The following OSMR variants were observed in gnomAD, a reference collection of about 807,000 sequenced individuals.
OSMR encodes the protein oncostatin-M-specific receptor subunit beta.
OSMR carries 81 observed loss-of-function variants against 99.9 expected under a neutral mutation model. That is an observed-to-expected ratio of 0.81 (90% CI 0.68 to 0.97). OSMR has a LOEUF of 0.97. Ranked by LOEUF, OSMR falls within the 50% of genes least tolerant of loss-of-function variation. The probability of loss-of-function intolerance (pLI) is 0.00; values close to 1 mark genes in which losing one functional copy is unlikely to be tolerated. For missense variants in OSMR, 1,099 were observed against 1,153.4 expected (o/e 0.95, Z 0.68); for synonymous variants, 406 against 410.4 (o/e 0.99, Z 0.13).
chr5:38,876,034 T>C (rs1240572169), intron 2 of OSMR, 167 bp from the exon 3 acceptor site: 1 of 450,398 alleles, frequency 2.2e-6, no homozygotes, highest in Admixed American at 6.4e-5. Flanking sequence ...GTCTGCTAAG[T>C]GATTTCTAAA....
chr5:38,852,193 T>C (rs1184666098), intron 1 of OSMR, among the ~76,000 whole-genome samples: 2 of 152,244 alleles, frequency 1.3e-5, no homozygotes, highest in African/African-American at 4.8e-5. Flanking sequence ...TTTCTGTTCT[T>C]TTTGAAAGGC....
chr5:38,862,037 T>G (rs1579639672), intron 1 of OSMR, among the ~76,000 whole-genome samples: 5 of 77,362 alleles, frequency 6.5e-5, no homozygotes, highest in Admixed American at 1.3e-4. Flanking sequence ...CACTTCCCAG[T>G]AGGGGCGGCC....
intron 15 of OSMR, 95 bp from the exon 16 acceptor site, chr5:38,931,788 C>T: frequency 1.9e-6 from 3 of 1,560,660 alleles, no homozygotes; most frequent in Non-Finnish European, 2.6e-6. Context: ...AAATAATAAA[C>T]ATGTAAAATT....
chr5:38,885,057 C>A, intron 5 of OSMR: 1 of 308,336 alleles, frequency 3.2e-6, no homozygotes, highest in Non-Finnish European at 4.7e-6. Flanking sequence ...CATTGGCAGG[C>A]ACTGGGGATA....
intron 1 of OSMR, among the ~76,000 whole-genome samples, chr5:38,852,340 G>C (rs1403550180): frequency 2.0e-5 from 3 of 152,182 alleles, no homozygotes; most frequent in South Asian, 2.1e-4. Flanking sequence ...ATGATTTCTG[G>C]ATCAAGAGAA....
intron 9 of OSMR, among the ~76,000 whole-genome samples, chr5:38,911,537 G>T (rs1196567010): frequency 6.6e-6 from 1 of 152,060 alleles, no homozygotes; most frequent in South Asian, 2.1e-4. Flanking sequence ...AACTGAGTTG[G>T]GGGACTCCTC....
At chr5:38,941,824 G>C (rs1233151599) in intron 1 of OSMR, 1 of 233,266 alleles carries the variant, frequency 4.3e-6, no homozygotes, top group Non-Finnish European at 8.5e-6. Context: ...AGCAGTTATA[G>C]CACACCCCAT....
chr5:38,942,236 G>T, intron 1 of OSMR: 1 of 954,550 alleles, frequency 1.0e-6, no homozygotes, highest in Non-Finnish European at 1.6e-6. Flanking sequence ...CGTATTTTCT[G>T]AGGCTTTTAG....
rs1286017045 is a variant in OSMR, at chr5:38,921,787, T to G, written c.1758T>G (p.Ile586Met). The G allele has an allele frequency of 2.5e-6, 4 of 1,613,268 alleles. No individual in the cohort carries two copies. The highest frequency in any genetic ancestry group is 3.4e-6 in the Non-Finnish European group (4 of 1,179,198). The change falls in exon 12 of 18, where the codon ATT becomes ATG. Residue 586 changes from isoleucine (I) to methionine (M), a missense_variant. Ile to Met is a conservative substitution (Grantham distance 10, BLOSUM62 1). Transcript: ENST00000274276. ...GTCCCAATACCACAAGCACAGTCAT[T>G]AGCACAGGTAAGAAGAAGCTTCCAT... ...NVGPNTTSTV[I>M]STDAFRPGVR...
In OSMR at chr5:38,924,459, G is replaced by C. The variant is rs1746378077; in HGVS notation, c.1908G>C (p.Leu636Phe). 1.2e-6 allele frequency: 2 copies of C among 1,613,770 alleles called. No homozygotes were observed. Among genetic ancestry groups the C allele is most frequent in the Non-Finnish European group, 1.7e-6 (2 of 1,179,878 alleles). The change falls in exon 14 of 18, where the codon TTG (leucine) becomes TTC (phenylalanine). Residue 636 changes from leucine to phenylalanine, a missense_variant. Physicochemically the swap from Leu to Phe is conservative, Grantham distance 22 (BLOSUM62 0). Coordinates refer to ENST00000274276, the MANE Select transcript of OSMR (RefSeq NM_003999.3). The stretch of plus-strand genomic sequence containing the variant: ...ACCCTCACGTGCTGGTGGATACATT[G>C]ACATCCCACTCCTTCACTCTGAGTT... ...SDNPHVLVDT[L>F]TSHSFTLSWK...
At chr5:38,942,336 G>T (rs1312132770) in intron 1 of OSMR, 4 of 1,598,446 alleles carry the variant, frequency 2.5e-6, no homozygotes, top group Admixed American at 3.3e-5. Flanking sequence ...ACTATAGGTT[G>T]CTTTGGTGGT....
chr5:38,942,843 T>C, intron 1 of OSMR: 1 of 1,607,682 alleles, frequency 6.2e-7, no homozygotes. Flanking sequence ...TTGTAGAAAC[T>C]GTACATCTTG....
At chr5:38,885,055 G>A in intron 5 of OSMR, 1 of 302,280 alleles carries the variant, frequency 3.3e-6, no homozygotes, top group Non-Finnish European at 4.9e-6. Context: ...AACATTGGCA[G>A]GCACTGGGGA....
chr5:38,876,373 G>A lies in OSMR; in HGVS notation c.246G>A (p.Val82=), dbSNP rs763392996. The part of the protein sequence containing the change: ...SRIETSNVIW[V]GNYSTTVKWN... ...TTGAAACATCCAATGTCATCTGGGT[G>A]GTAAGTAATTTTTTTGGCTCAATAT... The change falls in exon 3 of 18, where the codon GTG becomes GTA. Residue 82 remains valine (V), a splice_region_variant and synonymous_variant. Transcript: ENST00000274276. The A allele has an allele frequency of 1.9e-6, 3 of 1,611,234 alleles. No homozygotes were observed. The highest frequency in any genetic ancestry group is 4.5e-5 in the East Asian group (2 of 44,818).
At chr5:38,941,878 C>T (rs1747606981) in intron 1 of OSMR, 2 of 233,756 alleles carry the variant, frequency 8.6e-6, no homozygotes, top group East Asian at 1.2e-4. Context: ...TTCCTGCTTT[C>T]CACAAGTTAG....
At chr5:38,891,064 T>C (rs930362129) in intron 7 of OSMR, among the ~76,000 whole-genome samples, 2 of 152,228 alleles carry the variant, frequency 1.3e-5, no homozygotes, top group African/African-American at 4.8e-5. Flanking sequence ...TGGATTTTAA[T>C]TGGCCATCGC....
intron 15 of OSMR, among the ~76,000 whole-genome samples, chr5:38,927,520 C>T (rs1746523609): frequency 6.6e-6 from 1 of 152,236 alleles, no homozygotes; most frequent in African/African-American, 2.4e-5. Context: ...GAAGCAATGA[C>T]CTCTTTTAGC....
chr5:38,876,182 T>C lies in OSMR; in HGVS notation c.74-19T>C. Reference sequence around the variant, plus strand: ...GCTCCTATTAAATATTATTTCATACTTCATTTTGATCTTTTCAGTCTTGGC... The same window carrying C: ...GCTCCTATTAAATATTATTTCATACCTCATTTTGATCTTTTCAGTCTTGGC... On this transcript the variant is annotated intron_variant, in intron 2 of 17. Transcript: ENST00000274276. The C allele has an allele frequency of 6.2e-7, 1 of 1,602,178 alleles. No individual in the cohort carries two copies.
In OSMR at chr5:38,846,369, C is replaced by T. The variant is rs1346405815; in HGVS notation, c.-32C>T. On this transcript the variant is annotated 5_prime_UTR_variant, in exon 1 of 18. Transcript: ENST00000274276. ...TCGGACGGCGCTCGGAGGGTCCTCG[C>T]CCCCGGCCTGCCTACCTGGTGGGTG... 2 of 152,312 alleles carry T rather than the reference C, an allele frequency of 1.3e-5. No individual in the cohort carries two copies. The highest frequency in any genetic ancestry group is 3.9e-4 in the East Asian group (2 of 5,180). The allele number at this position is 152,312 out of a possible 1,614,324, so 9.4% of individuals were successfully genotyped here.
Sources: allele counts gnomAD v4.1 joint callset (sites outside exome capture counted in the v4.1 genomes callset), GRCh38; gene constraint gnomAD v4.1.1; transcripts MANE v1.5; gene names NCBI Gene and HGNC (gene_info 2026-07-23, HGNC 2026-07-21).